The following ABCA5 variants were observed in gnomAD, a reference collection of about 807,000 sequenced individuals.
The protein encoded by ABCA5 is cholesterol transporter ABCA5.
In ABCA5, 163 loss-of-function variants were observed where a neutral mutation model predicts 206.0. That is an observed-to-expected ratio of 0.79 (90% CI 0.70 to 0.90). The LOEUF (loss-of-function observed/expected upper bound fraction) is 0.90, where lower values mean the gene tolerates loss of function less well. ABCA5 is among the 40% of genes least tolerant of loss of function. The pLI is 0.00. For synonymous variants in ABCA5, 609 were observed against 613.8 expected (o/e 0.99, Z 0.11); for missense variants, 1,859 against 1,912.9 (o/e 0.97, Z 0.53).
chr17:69,294,404 C>T (rs2075563263), intron 11 of ABCA5, among the ~76,000 whole-genome samples: 1 of 152,042 alleles, frequency 6.6e-6, no homozygotes, highest in Admixed American at 6.6e-5. Flanking sequence ...CACCTGTAAT[C>T]CCACCTACTC....
At chr17:69,293,916 GGACT>G (rs1353120454) in intron 11 of ABCA5, among the ~76,000 whole-genome samples, 20 of 148,922 alleles carry the variant, frequency 1.3e-4, no homozygotes, top group Non-Finnish European at 2.2e-4. Flanking sequence ...TTGGTTCTGG[GGACT>G]GACTAACACA....
intron 8 of ABCA5, among the ~76,000 whole-genome samples, chr17:69,302,399 C>T (rs752806453): frequency 2.0e-4 from 31 of 152,064 alleles, no homozygotes; most frequent in Admixed American, 1.4e-3. Context: ...AGCAATATAA[C>T]CAGGCCATAG....
intron 1 of ABCA5, among the ~76,000 whole-genome samples, chr17:69,325,419 A>G (rs1482928215): frequency 6.6e-6 from 1 of 152,234 alleles, no homozygotes; most frequent in African/African-American, 2.4e-5. Context: ...CAAGTCATCC[A>G]ATAAATTTTC....
intron 18 of ABCA5, among the ~76,000 whole-genome samples, chr17:69,281,556 ATCT>A (rs2075394014): frequency 6.6e-6 from 1 of 152,198 alleles, no homozygotes; most frequent in South Asian, 2.1e-4. Flanking sequence ...TTTCAGATAA[ATCT>A]TCTTTGATCC....
At chr17:69,313,404 G>T in intron 2 of ABCA5, 108 bp from the exon 3 acceptor site, 1 of 467,138 alleles carries the variant, frequency 2.1e-6, no homozygotes, top group Non-Finnish European at 3.3e-6. Flanking sequence ...AAATTTGGTT[G>T]TCCTTTCTTA....
chr17:69,289,097 GTAT>G (rs2075495832), intron 14 of ABCA5, 77 bp downstream of exon 14: 2 of 1,378,820 alleles, frequency 1.5e-6, no homozygotes, highest in Non-Finnish European at 2.0e-6. Context: ...TTTACATAAT[GTAT>G]TATATCTTTC....
intron 11 of ABCA5, 139 bp from the exon 12 acceptor site, chr17:69,291,465 G>A: frequency 2.1e-6 from 1 of 467,098 alleles, no homozygotes; most frequent in South Asian, 5.5e-5. Flanking sequence ...TTTGATAGCA[G>A]GTAAAACAGC....
At chr17:69,292,676 T>C (rs2075541624) in intron 11 of ABCA5, among the ~76,000 whole-genome samples, 1 of 152,170 alleles carries the variant, frequency 6.6e-6, no homozygotes, top group Admixed American at 6.5e-5. Flanking sequence ...TACCAATAAC[T>C]TACATTGGAG....
At chr17:69,267,159 T>G (rs1404534840) in intron 23 of ABCA5, among the ~76,000 whole-genome samples, 1 of 152,068 alleles carries the variant, frequency 6.6e-6, no homozygotes, top group African/African-American at 2.4e-5. Context: ...ACAGGCGTGG[T>G]CCACCACGCC....
intron 16 of ABCA5, 43 bp downstream of exon 16, chr17:69,286,178 C>A: frequency 6.4e-7 from 1 of 1,567,698 alleles, no homozygotes; most frequent in South Asian, 1.2e-5. Context: ...AACAGTATAG[C>A]AAGAGTATAA....
chr17:69,289,960 G>T lies in ABCA5; in HGVS notation c.1684C>A (p.Pro562Thr). The T allele has an allele frequency of 1.9e-6, 3 of 1,611,980 alleles. No homozygotes were observed. The highest frequency in any genetic ancestry group is 2.5e-6 in the Non-Finnish European group (3 of 1,179,104). ...FEARKMIGIC[P>T]QLDIHFDVLT... ...ACATCAAAGTGTATATCTAACTGTG[G>T]ACAAATGCCAATCATTTTTCTTGCT... Residue 562 changes from proline (P) to threonine (T), a missense_variant, in exon 13 of 39, where the codon CCA becomes ACA. Transcript: ENST00000392676.
chr17:69,248,219 T>C (rs1442764536), intron 38 of ABCA5, 43 bp downstream of exon 38: 1 of 1,195,912 alleles, frequency 8.4e-7, no homozygotes. Flanking sequence ...TATCAGATAC[T>C]TTCTTCTATA....
At chr17:69,308,448 A>G in intron 4 of ABCA5, 80 bp from the exon 5 acceptor site, 1 of 876,936 alleles carries the variant, frequency 1.1e-6, no homozygotes, top group Non-Finnish European at 1.9e-6. Context: ...ATGGAGAGAT[A>G]CCTACCAAAA....
At position 69,286,205 on chromosome 17, in the gene ABCA5, T is replaced by TA. The variant is rs2075450327; in HGVS notation, c.2132+15dup. 2 of 1,597,504 alleles carry TA rather than the reference T, an allele frequency of 1.3e-6. No homozygotes were observed. Among genetic ancestry groups the TA allele is most frequent in the Non-Finnish European group, 1.7e-6 (2 of 1,172,286 alleles). ...AGAGTATAATATAGAATAATGTCAA[T>TA]AAAAATGAATGATACCTCAGGCGGT... On this transcript the variant is annotated intron_variant, in intron 16 of 38. Coordinates refer to ENST00000392676, the MANE Select transcript of ABCA5 (RefSeq NM_172232.4).
chr17:69,248,345 C>T (rs772368177), intron 37 of ABCA5, 28 bp from the exon 38 acceptor site: 3 of 1,372,468 alleles, frequency 2.2e-6, no homozygotes, highest in Admixed American at 3.8e-5. Flanking sequence ...TAGTATTTTA[C>T]TTATCAATAT....
intron 9 of ABCA5, 137 bp from the exon 10 acceptor site, chr17:69,297,496 T>C: frequency 1.5e-6 from 1 of 684,430 alleles, no homozygotes; most frequent in African/African-American, 1.8e-5. Flanking sequence ...AAACATCATG[T>C]TGTACACAAT....
chr17:69,301,757 T>C (rs937817851), intron 8 of ABCA5, among the ~76,000 whole-genome samples: 2 of 152,210 alleles, frequency 1.3e-5, no homozygotes, highest in African/African-American at 4.8e-5. Flanking sequence ...ATAGTAGATA[T>C]TTGTGATAGC....
At chr17:69,263,023 T>C (rs529540615) in intron 24 of ABCA5, among the ~76,000 whole-genome samples, 123 of 152,290 alleles carry the variant, frequency 8.1e-4, no homozygotes, top group African/African-American at 2.9e-3. Flanking sequence ...TTGTTGTCCA[T>C]TTGCATGTCT....
At chr17:69,295,191 G>C (rs2075572628) in intron 10 of ABCA5, among the ~76,000 whole-genome samples, 1 of 152,106 alleles carries the variant, frequency 6.6e-6, no homozygotes, top group African/African-American at 2.4e-5. Flanking sequence ...TGAACAAGAT[G>C]CACAGTCTAT....
Sources: gnomAD v4.1 joint callset for allele counts (sites outside exome capture counted in the v4.1 genomes callset) on GRCh38, gnomAD v4.1.1 for gene constraint, MANE v1.5 for transcripts, NCBI Gene and HGNC (gene_info 2026-07-23, HGNC 2026-07-21) for gene names.